KCNQ5: variants seen among roughly 807,000 people sequenced by gnomAD.
KCNQ5 encodes the protein potassium voltage-gated channel subfamily KQT member 5.
A neutral mutation model predicts 98.2 loss-of-function variants in KCNQ5; 30 were observed. That is an observed-to-expected ratio of 0.31 (90% confidence interval 0.23 to 0.41). The LOEUF (loss-of-function observed/expected upper bound fraction) is 0.41, where lower values mean the gene tolerates loss of function less well. Ranked by LOEUF, KCNQ5 falls within the 10% of genes least tolerant of loss-of-function variation. The pLI is 1.00. For missense variants in KCNQ5, 835 were observed against 1,182.5 expected, an observed-to-expected ratio of 0.71 and a Z score of 4.31; for synonymous variants, 458 against 449.4, an observed-to-expected ratio of 1.02 and a Z score of -0.24.
intron 3 of KCNQ5, chr6:73,055,146 A>G (rs553080649): frequency 2.6e-6 from 2 of 780,372 alleles, no homozygotes; most frequent in African/African-American, 1.7e-5. Flanking sequence ...AGTGAGTGGA[A>G]CCTGGAGAAC....
chr6:73,095,413 C>A (rs1774440413), intron 5 of KCNQ5, among the ~76,000 whole-genome samples: 1 of 152,140 alleles, frequency 6.6e-6, no homozygotes, highest in Non-Finnish European at 1.5e-5. Flanking sequence ...CTCCTCAATT[C>A]TTTTTCAGGC....
chr6:72,886,970 T>C (rs147167501), intron 1 of KCNQ5, among the ~76,000 whole-genome samples: 190 of 152,140 alleles, frequency 1.2e-3, no homozygotes, highest in African/African-American at 4.4e-3. Flanking sequence ...ATGTCTTATC[T>C]AAAGACAAAA....
intron 10 of KCNQ5, among the ~76,000 whole-genome samples, chr6:73,144,516 T>C (rs1289311257): frequency 1.3e-5 from 2 of 152,220 alleles, no homozygotes; most frequent in Admixed American, 6.5e-5. Flanking sequence ...GACTAATCAT[T>C]CCCAAAACTC....
At chr6:73,163,675 G>C (rs1362072671) in intron 10 of KCNQ5, among the ~76,000 whole-genome samples, 1 of 152,196 alleles carries the variant, frequency 6.6e-6, no homozygotes, top group Non-Finnish European at 1.5e-5. Flanking sequence ...TTGAACCCGG[G>C]GGGCGGAGGT....
chr6:72,829,451 C>CTCTT (rs1776138851), intron 1 of KCNQ5, among the ~76,000 whole-genome samples: 1 of 151,852 alleles, frequency 6.6e-6, no homozygotes, highest in East Asian at 1.9e-4. Context: ...CTCTTCTCTT[C>CTCTT]TCTCTCTCTC....
intron 3 of KCNQ5, among the ~76,000 whole-genome samples, chr6:73,063,559 A>G (rs767036241): frequency 8.5e-5 from 13 of 152,206 alleles, no homozygotes; most frequent in Middle Eastern, 6.8e-3. Flanking sequence ...GTGAGGGAAA[A>G]TTTTGGTAAG....
At chr6:73,098,337 G>C (rs574882785) in intron 5 of KCNQ5, among the ~76,000 whole-genome samples, 12 of 152,256 alleles carry the variant, frequency 7.9e-5, no homozygotes, top group African/African-American at 2.9e-4. Context: ...TAGGGAGAGA[G>C]AGAGAAAGTT....
intron 1 of KCNQ5, among the ~76,000 whole-genome samples, chr6:72,678,989 G>A (rs538542015): frequency 3.9e-5 from 6 of 152,284 alleles, no homozygotes; most frequent in Admixed American, 3.3e-4. Context: ...TTTTGTTTAT[G>A]AAACTATGGA....
At chr6:72,674,661 T>C (rs1271105691) in intron 1 of KCNQ5, among the ~76,000 whole-genome samples, 1 of 151,964 alleles carries the variant, frequency 6.6e-6, no homozygotes, top group East Asian at 1.9e-4. Flanking sequence ...CCCCAGCCAC[T>C]CGGGAGGCTG....
At chr6:73,054,876 T>C (rs1562150667) in intron 3 of KCNQ5, among the ~76,000 whole-genome samples, 1 of 152,194 alleles carries the variant, frequency 6.6e-6, no homozygotes, top group Non-Finnish European at 1.5e-5. Flanking sequence ...ATAAAAGCCA[T>C]CTGAATAGAG....
chr6:72,729,265 A>T (rs542503307), intron 1 of KCNQ5, among the ~76,000 whole-genome samples: 3 of 152,324 alleles, frequency 2.0e-5, no homozygotes, highest in African/African-American at 7.2e-5. Context: ...GAAAAAAATT[A>T]TAAAAGTGGA....
intron 1 of KCNQ5, among the ~76,000 whole-genome samples, chr6:72,629,641 G>T (rs896899957): frequency 1.3e-5 from 2 of 152,156 alleles, no homozygotes; most frequent in African/African-American, 4.8e-5. Flanking sequence ...ATTTTTAATT[G>T]CAAATGGCTA....
chr6:72,922,816 T>TTTTTC (rs1381819724), intron 1 of KCNQ5, among the ~76,000 whole-genome samples: 49 of 24,238 alleles, frequency 2.0e-3, no homozygotes, highest in African/African-American at 0.012. Context: ...TTTTCTTTTT[T>TTTTTC]TTTTTTTTTT....
At position 73,078,576 on chromosome 6, in the gene KCNQ5, C is replaced by G. The variant is rs1413434338; in HGVS notation, c.918+689C>G. 4.6e-5 allele frequency among the ~76,000 whole-genome samples: 7 copies of G among 152,224 alleles called. No individual in the cohort carries two copies. The East Asian group carries it at 1.4e-3, about 29-fold the overall frequency. ...CCAGTTCAAAGCACTATCCAAAGGACAGAAACATTTAAAGATCAGGAATAT... is the reference window on the plus strand; with the variant it reads ...CCAGTTCAAAGCACTATCCAAAGGAGAGAAACATTTAAAGATCAGGAATAT... On this transcript the variant is annotated intron_variant, in intron 5 of 13. Transcript: ENST00000370398.
intron 2 of KCNQ5, among the ~76,000 whole-genome samples, chr6:73,017,071 A>G (rs1332571350): frequency 2.6e-5 from 4 of 152,064 alleles, no homozygotes; most frequent in Admixed American, 2.0e-4. Context: ...CCCTTAACTC[A>G]TGCAATTTTA....
chr6:72,641,455 C>G (rs1438426266), intron 1 of KCNQ5, among the ~76,000 whole-genome samples: 1 of 152,090 alleles, frequency 6.6e-6, no homozygotes, highest in Non-Finnish European at 1.5e-5. Context: ...TTAAACAGGC[C>G]TACCACTCTG....
chr6:73,133,295 C>T, intron 9 of KCNQ5, 126 bp from the exon 10 acceptor site: 1 of 735,548 alleles, frequency 1.4e-6, no homozygotes, highest in South Asian at 1.9e-5. Context: ...AATTGCTATG[C>T]TCCTACGTGC....
chr6:72,796,983 A>G (rs1010645089), intron 1 of KCNQ5, among the ~76,000 whole-genome samples: 1 of 152,204 alleles, frequency 6.6e-6, no homozygotes, highest in African/African-American at 2.4e-5. Flanking sequence ...CAGAGATATA[A>G]TATTGCAACT....
intron 1 of KCNQ5, among the ~76,000 whole-genome samples, chr6:72,798,588 A>G (rs1774466931): frequency 1.3e-5 from 2 of 152,202 alleles, no homozygotes; most frequent in African/African-American, 4.8e-5. Flanking sequence ...TGTAAAAACT[A>G]CATCTCCATT....
Sources: gnomAD v4.1 joint callset for allele counts (sites outside exome capture counted in the v4.1 genomes callset) on GRCh38, gnomAD v4.1.1 for gene constraint, MANE v1.5 for transcripts, NCBI Gene and HGNC (gene_info 2026-07-23, HGNC 2026-07-21) for gene names.